Variants in NAV3 observed in about 807,000 individuals in gnomAD.
NAV3 encodes neuron navigator 3.
In NAV3, 87 loss-of-function variants were observed where a neutral mutation model predicts 244.7. The ratio of observed to expected loss-of-function variants is 0.36; its 90% CI spans 0.30 to 0.42. The LOEUF (loss-of-function observed/expected upper bound fraction) is 0.42, where lower values mean the gene tolerates loss of function less well. NAV3 is among the 20% of genes least tolerant of loss of function. The probability of loss-of-function intolerance (pLI) is 1.00; values close to 1 mark genes in which losing one functional copy is unlikely to be tolerated. For synonymous variants in NAV3, 1,126 were observed against 1,042.2 expected, an observed-to-expected ratio of 1.08 and a Z score of -1.55; for missense variants, 2,663 against 2,893.3, an observed-to-expected ratio of 0.92 and a Z score of 1.83.
chr12:77,938,673 A>T (rs1248795269), intron 1 of NAV3, among the ~76,000 whole-genome samples: 4 of 152,144 alleles, frequency 2.6e-5, no homozygotes, highest in Non-Finnish European at 5.9e-5. Flanking sequence ...GGTTTTTGAC[A>T]TATAACAATA....
At chr12:77,827,162 G>A (rs993525690), upstream of NAV3, among the ~76,000 whole-genome samples, 30 of 149,368 alleles carry the variant, frequency 2.0e-4, no homozygotes, top group African/African-American at 7.4e-4. Flanking sequence ...GAACCCGGGA[G>A]GCAGAGGTTG....
In NAV3 at chr12:77,940,505, A is replaced by T. The variant is rs1889766095; in HGVS notation, c.361+69A>T. ...CATCTCTTTGGTAAAGCACAACTTA[A>T]GTTAAGCGCCTTACTGAACTGGTCC... On this transcript the variant is annotated intron_variant, in intron 2 of 39. Transcript: ENST00000397909. 3 of 1,211,406 alleles carry T rather than the reference A, an allele frequency of 2.5e-6. No homozygotes were observed. The Admixed American group carries it at 5.6e-5, about 23-fold the overall frequency. The allele number at this position is 1,211,406 out of a possible 1,614,324, so 75.0% of individuals were successfully genotyped here. A position where few individuals can be genotyped will look rare whatever the true frequency, so the allele number is the denominator to read the frequency against.
chr12:78,074,753 T>G (rs1216448366), intron 12 of NAV3, among the ~76,000 whole-genome samples: 1 of 152,142 alleles, frequency 6.6e-6, no homozygotes, highest in African/African-American at 2.4e-5. Flanking sequence ...AAGACAGAAT[T>G]AGTATTCCAA....
At chr12:77,823,572 T>G (rs773440914) in intron 2 of NAV3, among the ~76,000 whole-genome samples, 7 of 152,236 alleles carry the variant, frequency 4.6e-5, no homozygotes, top group Non-Finnish European at 1.0e-4. Flanking sequence ...GGTGCAAAAT[T>G]AGCTCTAGGC....
intron 1 of NAV3, among the ~76,000 whole-genome samples, chr12:77,872,217 G>A (rs895001319): frequency 1.3e-5 from 2 of 151,978 alleles, no homozygotes; most frequent in Non-Finnish European, 2.9e-5. Flanking sequence ...CACACACATG[G>A]TATTCTTGTA....
At chr12:77,757,140 T>C (rs779699604) in intron 2 of NAV3, among the ~76,000 whole-genome samples, 1 of 152,198 alleles carries the variant, frequency 6.6e-6, no homozygotes, top group Non-Finnish European at 1.5e-5. Context: ...GGAATAATCC[T>C]TAACTGGGGC....
At chr12:77,952,577 G>A (rs1416717767) in intron 3 of NAV3, among the ~76,000 whole-genome samples, 1 of 151,962 alleles carries the variant, frequency 6.6e-6, no homozygotes, top group Non-Finnish European at 1.5e-5. Flanking sequence ...TCAATATTCT[G>A]TTGGCAATTT....
intron 23 of NAV3, among the ~76,000 whole-genome samples, chr12:78,160,408 T>C (rs12822037): frequency 0.027 from 3,966 of 147,286 alleles, 134 homozygotes; most frequent in African/African-American, 0.089. Context: ...TGCGTGCGTG[T>C]GTGTGTGTGT....
chr12:77,981,233 T>G (rs1869503823), intron 5 of NAV3, among the ~76,000 whole-genome samples: 1 of 152,160 alleles, frequency 6.6e-6, no homozygotes, highest in African/African-American at 2.4e-5. Context: ...GCAAAATGCC[T>G]TTAATATTTT....
At chr12:78,021,313 A>G (rs1218673101) in intron 8 of NAV3, among the ~76,000 whole-genome samples, 4 of 152,036 alleles carry the variant, frequency 2.6e-5, no homozygotes, top group Non-Finnish European at 5.9e-5. Context: ...GAACAAAATT[A>G]TTTTTTATTT....
chr12:77,761,588 C>T (rs1250602791), intron 2 of NAV3, among the ~76,000 whole-genome samples: 2 of 151,886 alleles, frequency 1.3e-5, no homozygotes, highest in Non-Finnish European at 2.9e-5. Context: ...AAGAAAAAAA[C>T]AAACAACCCC....
At chr12:77,927,842 T>A (rs967345898) in intron 1 of NAV3, among the ~76,000 whole-genome samples, 1 of 152,174 alleles carries the variant, frequency 6.6e-6, no homozygotes, top group Non-Finnish European at 1.5e-5. Flanking sequence ...CTTCATTATG[T>A]ATTTTATTTC....
At chr12:77,602,751 A>G (rs559240906) in intron 2 of NAV3, among the ~76,000 whole-genome samples, 22 of 152,138 alleles carry the variant, frequency 1.4e-4, no homozygotes, top group African/African-American at 5.3e-4. Flanking sequence ...TACCATGCCC[A>G]TAAAAGTGAG....
At chr12:77,575,784 G>A (rs1869052577) in intron 2 of NAV3, among the ~76,000 whole-genome samples, 1 of 152,088 alleles carries the variant, frequency 6.6e-6, no homozygotes, top group Non-Finnish European at 1.5e-5. Flanking sequence ...TGAATATTTT[G>A]TGTATTAAAC....
intron 31 of NAV3, among the ~76,000 whole-genome samples, chr12:78,186,095 A>T (rs1958705657): frequency 6.6e-6 from 1 of 151,884 alleles, no homozygotes; most frequent in Non-Finnish European, 1.5e-5. Context: ...AACTAAATGA[A>T]TATTTTAGAA....
intron 1 of NAV3, among the ~76,000 whole-genome samples, chr12:77,915,324 A>G (rs542354773): frequency 1.8e-4 from 28 of 152,084 alleles, no homozygotes; most frequent in Non-Finnish European, 3.4e-4. Flanking sequence ...AATTAAACCT[A>G]ACATTTATAT....
chr12:77,743,493 G>T lies in NAV3; in HGVS notation c.72+171227G>T, dbSNP rs372418290. Among the ~76,000 whole-genome samples the T allele has an allele frequency of 4.6e-5, 7 of 151,816 alleles. No individual in the cohort carries two copies. The South Asian group carries it at 1.5e-3, about 32-fold the overall frequency. On this transcript the variant is annotated intron_variant, in intron 2 of 8. Coordinates refer to the NAV3 transcript ENST00000550042. ...AAAACATATGTCCACACTAAGAGTTGTACTCAAATATTCATAGATACATCA... is the reference window on the plus strand; with the variant it reads ...AAAACATATGTCCACACTAAGAGTTTTACTCAAATATTCATAGATACATCA...
At position 78,137,846 on chromosome 12, in the gene NAV3, CTA is replaced by C. The variant is rs1412214811; in HGVS notation, c.4630+483_4630+484del. Among the ~76,000 whole-genome samples, 5 of 152,110 alleles carry C rather than the reference CTA, an allele frequency of 3.3e-5. No homozygotes were observed. The South Asian group carries it at 8.3e-4, about 25-fold the overall frequency. ...ACCTACTTTTTTGCTTTATAAGTCACTATTTCTTCATCCAATGGCAATAAAAT... is the reference window on the plus strand; with the variant it reads ...ACCTACTTTTTTGCTTTATAAGTCACTTTCTTCATCCAATGGCAATAAAAT... On this transcript the variant is annotated intron_variant, in intron 19 of 39. Coordinates refer to ENST00000397909, the MANE Select transcript of NAV3 (RefSeq NM_001024383.2).
intron 16 of NAV3, among the ~76,000 whole-genome samples, chr12:78,123,354 A>G (rs201243900): frequency 1.4e-5 from 2 of 139,698 alleles, no homozygotes; most frequent in Admixed American, 7.2e-5. Flanking sequence ...TTTTTTTTTT[A>G]TTTTTATTTT....
Sources: allele counts gnomAD v4.1 joint callset (sites outside exome capture counted in the v4.1 genomes callset), GRCh38; gene constraint gnomAD v4.1.1; transcripts MANE v1.5; gene names NCBI Gene and HGNC (gene_info 2026-07-23, HGNC 2026-07-21).